Variants in TCF12 observed in about 807,000 individuals in gnomAD.
The protein encoded by TCF12 is transcription factor 12, also known as DNA-binding protein HTF4.
TCF12 carries 45 observed loss-of-function variants against 86.0 expected under a neutral mutation model. The ratio of observed to expected loss-of-function variants is 0.52; its 90% CI spans 0.41 to 0.67. The LOEUF (loss-of-function observed/expected upper bound fraction) is 0.67, where lower values mean the gene tolerates loss of function less well. Among genes scored for constraint, TCF12 ranks in the 30% least tolerant of loss-of-function variants. TCF12 has a pLI of 0.00. For synonymous variants in TCF12, 330 were observed against 299.6 expected, an observed-to-expected ratio of 1.10 and a Z score of -1.05; for missense variants, 881 against 859.9, an observed-to-expected ratio of 1.02 and a Z score of -0.31.
intron 3 of TCF12, among the ~76,000 whole-genome samples, chr15:57,007,818 C>T (rs866974626): frequency 7.8e-5 from 10 of 128,896 alleles, no homozygotes; most frequent in Admixed American, 1.6e-4. Context: ...TTCTTTCTTT[C>T]TTTTTCTTTC....
Position 57,192,229 on chromosome 15 carries a change from A to C in TCF12, c.462A>C (p.Thr154=). ...AQLSSSGKPG[T]AYYSFSATSS... is the part of the protein sequence containing the mutation. ...TATCTTCTTCAGGAAAACCTGGGAC[A>C]GCATACTATTCATTCTCTGCTACAA... is the stretch of plus-strand genomic sequence containing the variant. Residue 154 remains threonine, a synonymous_variant, in exon 7 of 21, where the codon ACA becomes ACC. Transcript: ENST00000333725. 6.2e-7 allele frequency: 1 copy of C among 1,614,216 alleles called. No individual in the cohort carries two copies. Among genetic ancestry groups the C allele is most frequent in the Non-Finnish European group, 8.5e-7 (1 of 1,180,020 alleles).
At chr15:57,013,579 C>T (rs1032652892) in intron 3 of TCF12, among the ~76,000 whole-genome samples, 1 of 152,158 alleles carries the variant, frequency 6.6e-6, no homozygotes, top group Non-Finnish European at 1.5e-5. Flanking sequence ...CGTCAGTCTG[C>T]CAAAGTGTTG....
At chr15:57,133,134 CA>C (rs1482495407) in intron 5 of TCF12, among the ~76,000 whole-genome samples, 1 of 152,188 alleles carries the variant, frequency 6.6e-6, no homozygotes, top group East Asian at 1.9e-4. Flanking sequence ...TATTGTTTAA[CA>C]GTTGTTTTGT....
intron 12 of TCF12, among the ~76,000 whole-genome samples, chr15:57,238,836 T>A (rs1322583596): frequency 6.6e-6 from 1 of 152,274 alleles, no homozygotes; most frequent in Admixed American, 6.5e-5. Flanking sequence ...ATAATGATAA[T>A]GTATAACACA....
chr15:57,028,053 T>C (rs1157344760), intron 3 of TCF12, among the ~76,000 whole-genome samples: 1 of 152,102 alleles, frequency 6.6e-6, no homozygotes, highest in Admixed American at 6.5e-5. Context: ...AACCTCTGTC[T>C]CCTGGGTTCA....
chr15:57,024,216 CTTTTT>C (rs59793819), intron 3 of TCF12, among the ~76,000 whole-genome samples: 3,330 of 111,146 alleles, frequency 0.03, 81 homozygotes, highest in African/African-American at 0.087. Flanking sequence ...AAAAAAGTGT[CTTTTT>C]TTTTTTTTTT....
chr15:57,004,470 G>A (rs1450667904), intron 3 of TCF12, among the ~76,000 whole-genome samples: 2 of 151,882 alleles, frequency 1.3e-5, no homozygotes, highest in African/African-American at 4.8e-5. Context: ...GTGCAGTGGC[G>A]CGATCTCAAC....
chr15:57,280,228 C>T (rs2061623938), intron 19 of TCF12, among the ~76,000 whole-genome samples: 1 of 121,764 alleles, frequency 8.2e-6, no homozygotes, highest in Non-Finnish European at 2.1e-5. Flanking sequence ...GAAGGACGAA[C>T]TCTTATTTGT....
intron 5 of TCF12, among the ~76,000 whole-genome samples, chr15:57,108,299 G>T: frequency 6.6e-6 from 1 of 151,922 alleles, no homozygotes; most frequent in East Asian, 1.9e-4. Context: ...TTTTACCTAG[G>T]GCTGATCCCT....
At chr15:57,177,194 T>G (rs1185937025) in intron 6 of TCF12, among the ~76,000 whole-genome samples, 1 of 152,152 alleles carries the variant, frequency 6.6e-6, no homozygotes, top group Non-Finnish European at 1.5e-5. Flanking sequence ...TTTTGTGGGT[T>G]GTTTGGAACA....
At chr15:56,970,844 A>G (rs934215710) in intron 3 of TCF12, among the ~76,000 whole-genome samples, 12 of 151,618 alleles carry the variant, frequency 7.9e-5, no homozygotes, top group Non-Finnish European at 1.3e-4. Context: ...GAGCCCAGGA[A>G]TTTGAGACCA....
chr15:57,248,983 A>C (rs962590406), intron 13 of TCF12, among the ~76,000 whole-genome samples: 1 of 152,230 alleles, frequency 6.6e-6, no homozygotes, highest in Non-Finnish European at 1.5e-5. Flanking sequence ...CAAAGTCAGT[A>C]ATTTGATGAT....
rs562144932 is a variant in TCF12 at position 57,196,917 on chromosome 15, T to C, written c.527-856T>C. Among the ~76,000 whole-genome samples the C allele has an allele frequency of 1.4e-4, 21 of 152,326 alleles. No individual in the cohort carries two copies. In the East Asian group the frequency reaches 3.9e-3, roughly 28 times the overall value. ...TAGTTTATGTATCATATATTGACAT[T>C]ATAACCTTCATTTTATTTCTTTATT... On this transcript the variant is annotated intron_variant, in intron 7 of 20. Coordinates refer to ENST00000333725, the MANE Select transcript of TCF12 (RefSeq NM_207037.2).
At chr15:57,138,575 G>A (rs184381052) in intron 5 of TCF12, among the ~76,000 whole-genome samples, 2 of 152,284 alleles carry the variant, frequency 1.3e-5, no homozygotes, top group Admixed American at 6.5e-5. Flanking sequence ...GCTTAGAGGG[G>A]TAATTCATAT....
chr15:57,158,997 A>C (rs184655394), intron 5 of TCF12, among the ~76,000 whole-genome samples: 2 of 152,390 alleles, frequency 1.3e-5, no homozygotes, highest in East Asian at 3.9e-4. Context: ...TTTTCTTTAA[A>C]AACAAAAAAT....
intron 3 of TCF12, among the ~76,000 whole-genome samples, chr15:57,024,815 A>G (rs1308260621): frequency 1.3e-5 from 2 of 152,230 alleles, no homozygotes; most frequent in Non-Finnish European, 2.9e-5. Context: ...ACATTCGTCA[A>G]CAAGCTCACT....
At chr15:57,009,295 G>C (rs2064676183) in intron 3 of TCF12, among the ~76,000 whole-genome samples, 1 of 152,072 alleles carries the variant, frequency 6.6e-6, no homozygotes. Flanking sequence ...ATTTTTAGTG[G>C]AGATGGGGTT....
intron 4 of TCF12, among the ~76,000 whole-genome samples, chr15:57,088,562 G>C (rs1280773116): frequency 1.3e-5 from 2 of 150,198 alleles, no homozygotes; most frequent in South Asian, 2.1e-4. Flanking sequence ...GAAATTTCTG[G>C]TGTTTTAATA....
intron 6 of TCF12, among the ~76,000 whole-genome samples, chr15:57,175,765 T>C (rs1268482000): frequency 1.3e-5 from 2 of 152,204 alleles, no homozygotes; most frequent in African/African-American, 4.8e-5. Flanking sequence ...GTTACTCAAA[T>C]AACATGAAGA....
Sources: allele counts gnomAD v4.1 joint callset (sites outside exome capture counted in the v4.1 genomes callset), GRCh38; gene constraint gnomAD v4.1.1; transcripts MANE v1.5; gene names NCBI Gene and HGNC (gene_info 2026-07-23, HGNC 2026-07-21).